ARPP21: variants seen among roughly 807,000 people sequenced by gnomAD.
ARPP21 encodes cAMP-regulated phosphoprotein 21.
ARPP21 carries 69 observed loss-of-function variants against 113.2 expected under a neutral mutation model. The observed-to-expected ratio is 0.61, with a 90% CI of 0.50 to 0.74. The LOEUF (loss-of-function observed/expected upper bound fraction) is 0.74. Among genes scored for constraint, ARPP21 ranks in the 30% least tolerant of loss-of-function variants. The pLI is 0.00. For missense variants in ARPP21, 1,070 were observed against 1,037.4 expected (o/e 1.03, Z -0.43); for synonymous variants, 368 against 375.5 (o/e 0.98, Z 0.23).
intron 19 of ARPP21, among the ~76,000 whole-genome samples, chr3:35,773,157 C>A (rs1024550257): frequency 6.6e-6 from 1 of 151,872 alleles, no homozygotes; most frequent in Non-Finnish European, 1.5e-5. Context: ...TTTGGTGAAC[C>A]CTGGGAGTGG....
rs1056385442 is a variant in ARPP21, at chr3:35,640,406, T to C, written c.-213+8T>C. The C allele has an allele frequency of 2.0e-5, 3 of 152,232 alleles. No homozygotes were observed. Among genetic ancestry groups the C allele is most frequent in the Non-Finnish European group, 4.4e-5 (3 of 68,048 alleles). The allele number at this position is 152,232 out of a possible 1,614,324, so 9.4% of individuals were successfully genotyped here. ...ATCCACAGTTCGATCAAGGTAATAA[T>C]CAAGGTCTTCCGACGTGAACATTGC... On this transcript the variant is annotated splice_region_variant and intron_variant, in intron 1 of 20. Coordinates refer to ENST00000684406, the MANE Select transcript of ARPP21 (RefSeq NM_001385562.1).
intron 6 of ARPP21, among the ~76,000 whole-genome samples, chr3:35,688,714 A>G (rs1378972435): frequency 6.6e-6 from 1 of 151,624 alleles, no homozygotes; most frequent in Non-Finnish European, 1.5e-5. Flanking sequence ...TCTGCTGAGG[A>G]ATATCTAAAA....
At chr3:35,792,243 G>T (rs569765447) in intron 19 of ARPP21, 139 bp from the exon 20 acceptor site, 281 of 702,980 alleles carry the variant, frequency 4.0e-4, no homozygotes, top group Non-Finnish European at 6.1e-4. Flanking sequence ...CATTCTTAGG[G>T]AATAAACATC....
In ARPP21 at chr3:35,717,347, C is replaced by T. The variant is rs2092552871; in HGVS notation, c.985C>T (p.Gln329Ter). The stretch of plus-strand genomic sequence containing the variant: ...ATGCAATGAGACCTATAAGAAAAGA[C>T]AGCTCTTTCGGTTGGTATGGTTTAC... ...NICNETYKKR[Q>*]LFRGNRDGSG... The change falls in exon 13 of 21, where the codon CAG becomes TAG. Residue 329 changes from glutamine to a stop codon, truncating the protein, a stop_gained. Transcript: ENST00000684406. LOFTEE classifies it high-confidence loss of function. The T allele has an allele frequency of 2.5e-6, 4 of 1,602,020 alleles. No homozygotes were observed. Among genetic ancestry groups the T allele is most frequent in the East Asian group, 4.5e-5 (2 of 44,716 alleles).
intron 9 of ARPP21, among the ~76,000 whole-genome samples, chr3:35,697,063 C>T (rs1293275442): frequency 4.0e-5 from 6 of 151,618 alleles, no homozygotes; most frequent in African/African-American, 1.5e-4. Flanking sequence ...AGATCAGCCA[C>T]AGGCAATGAG....
intron 1 of ARPP21, among the ~76,000 whole-genome samples, chr3:35,655,882 C>T (rs538432899): frequency 6.6e-6 from 1 of 152,012 alleles, no homozygotes; most frequent in East Asian, 1.9e-4. Context: ...TGTGATGGGG[C>T]CCAAGTATAT....
intron 2 of ARPP21, chr3:35,680,907 G>T (rs1050478285): frequency 6.6e-6 from 1 of 151,768 alleles, no homozygotes; most frequent in African/African-American, 2.4e-5. Flanking sequence ...AGTGTCAGGG[G>T]TTTTATAAAG....
chr3:35,716,296 AT>A (rs1553693363), intron 12 of ARPP21, among the ~76,000 whole-genome samples: 1 of 152,108 alleles, frequency 6.6e-6, no homozygotes, highest in Non-Finnish European at 1.5e-5. Context: ...GTGGTGGTTA[AT>A]TTTATTTCAG....
chr3:35,675,947 A>T (rs959925741), intron 1 of ARPP21, among the ~76,000 whole-genome samples: 3 of 151,880 alleles, frequency 2.0e-5, no homozygotes, highest in African/African-American at 7.2e-5. Flanking sequence ...AATTTTGTAA[A>T]GCAGAATTCC....
At chr3:35,737,505 C>T (rs2094429955) in intron 16 of ARPP21, 143 bp downstream of exon 16, 1 of 540,306 alleles carries the variant, frequency 1.9e-6, no homozygotes, top group Admixed American at 3.6e-5. Context: ...GAGTTCTTTG[C>T]AGATTGACAG....
chr3:35,766,409 A>C (rs988376008), intron 19 of ARPP21, among the ~76,000 whole-genome samples: 7 of 152,140 alleles, frequency 4.6e-5, no homozygotes, highest in Non-Finnish European at 8.8e-5. Context: ...AAGAAGAAGG[A>C]GAAGAAGCAC....
intron 15 of ARPP21, among the ~76,000 whole-genome samples, chr3:35,736,119 A>G (rs1258894811): frequency 6.6e-6 from 1 of 152,098 alleles, no homozygotes; most frequent in Non-Finnish European, 1.5e-5. Context: ...TCTCTCACTT[A>G]CTGTTTTTTT....
At chr3:35,737,882 G>A (rs1302233986) in intron 16 of ARPP21, among the ~76,000 whole-genome samples, 1 of 152,188 alleles carries the variant, frequency 6.6e-6, no homozygotes, top group Non-Finnish European at 1.5e-5. Context: ...GAAACCTGAA[G>A]TGTTTCTGGT....
intron 11 of ARPP21, among the ~76,000 whole-genome samples, chr3:35,712,389 C>T (rs1256581101): frequency 6.6e-6 from 1 of 151,932 alleles, no homozygotes; most frequent in Non-Finnish European, 1.5e-5. Context: ...TTTTTTGCTA[C>T]TTGAAGTAAA....
chr3:35,722,125 G>A (rs1019113032), intron 14 of ARPP21, among the ~76,000 whole-genome samples: 4 of 152,050 alleles, frequency 2.6e-5, no homozygotes, highest in South Asian at 2.1e-4. Flanking sequence ...TTTAATTTAA[G>A]CACTTAAGTT....
chr3:35,793,918 G>A lies in ARPP21; in HGVS notation c.2504G>A (p.Cys835Tyr). 6.2e-7 allele frequency: 1 copy of A among 1,614,098 alleles called. No homozygotes were observed. The highest frequency in any genetic ancestry group is 8.5e-7 in the Non-Finnish European group (1 of 1,179,954). The change falls in exon 21 of 21, where the codon TGT (cysteine) becomes TAT (tyrosine). Residue 835 changes from cysteine to tyrosine, a missense_variant. Cys to Tyr is a radical substitution (Grantham distance 194, BLOSUM62 -2). Transcript: ENST00000684406. ...ATGTCAGCTAGCTGCAGAACAAACT[G>A]TGCAAGTATGAGCAATGCTGGTTGG... ...PVMSASCRTNCASMSNAGWQV... is the reference protein window; with the variant it reads ...PVMSASCRTNYASMSNAGWQV...
chr3:35,661,951 C>A (rs980309313), intron 1 of ARPP21, among the ~76,000 whole-genome samples: 1 of 151,842 alleles, frequency 6.6e-6, no homozygotes, highest in African/African-American at 2.4e-5. Flanking sequence ...ATGTGTCAGG[C>A]CTGGTGTTAG....
At chr3:35,757,667 T>C (rs996194303) in intron 19 of ARPP21, among the ~76,000 whole-genome samples, 4 of 152,146 alleles carry the variant, frequency 2.6e-5, no homozygotes, top group Non-Finnish European at 5.9e-5. Context: ...AAGAAGGCTT[T>C]TTGAAAAGAC....
At chr3:35,694,421 C>T (rs1205077937) in intron 9 of ARPP21, among the ~76,000 whole-genome samples, 1 of 151,386 alleles carries the variant, frequency 6.6e-6, no homozygotes, top group Non-Finnish European at 1.5e-5. Context: ...AAGCACTTTA[C>T]ATCTTGTAAT....
Sources: gnomAD v4.1 joint callset for allele counts (sites outside exome capture counted in the v4.1 genomes callset) on GRCh38, gnomAD v4.1.1 for gene constraint, MANE v1.5 for transcripts, NCBI Gene and HGNC (gene_info 2026-07-23, HGNC 2026-07-21) for gene names.